Variants in PTPRD observed in about 807,000 individuals in gnomAD.
The protein encoded by PTPRD is receptor-type tyrosine-protein phosphatase delta.
A neutral mutation model predicts 214.5 loss-of-function variants in PTPRD; 34 were observed. The ratio of observed to expected loss-of-function variants is 0.16; its 90% CI spans 0.12 to 0.21. The LOEUF (loss-of-function observed/expected upper bound fraction) is 0.21. Among genes scored for constraint, PTPRD ranks in the 10% least tolerant of loss-of-function variants. The pLI is 1.00. For missense variants in PTPRD, 2,545 were observed against 2,398.7 expected (o/e 1.06, Z -1.27); for synonymous variants, 1,128 against 845.7 (o/e 1.33, Z -5.79).
chr9:10,493,953 A>G (rs1243899131), intron 2 of PTPRD, among the ~76,000 whole-genome samples: 2 of 152,086 alleles, frequency 1.3e-5, no homozygotes, highest in East Asian at 3.9e-4. Context: ...AGATGATGCC[A>G]TATCTATTTG....
At chr9:10,172,347 G>C (rs1303032075) in intron 3 of PTPRD, among the ~76,000 whole-genome samples, 1 of 151,966 alleles carries the variant, frequency 6.6e-6, no homozygotes, top group Non-Finnish European at 1.5e-5. Flanking sequence ...GATCCTGTAA[G>C]AATAATATTG....
intron 11 of PTPRD, among the ~76,000 whole-genome samples, chr9:8,826,308 T>A (rs898327724): frequency 1.8e-4 from 27 of 152,250 alleles, no homozygotes; most frequent in African/African-American, 5.8e-4. Flanking sequence ...ATTTATATAT[T>A]TTTTAAATCC....
chr9:9,559,520 G>T (rs939924837), intron 8 of PTPRD, among the ~76,000 whole-genome samples: 6 of 152,212 alleles, frequency 3.9e-5, no homozygotes, highest in African/African-American at 1.2e-4. Context: ...TGTGCCTACT[G>T]AATAGGCTGC....
intron 14 of PTPRD, among the ~76,000 whole-genome samples, chr9:8,590,891 G>A (rs986293160): frequency 6.6e-6 from 1 of 152,150 alleles, no homozygotes; most frequent in African/African-American, 2.4e-5. Context: ...CTGGAGGTCA[G>A]AAGTCCCATA....
At chr9:8,902,724 C>T (rs2098680159) in intron 11 of PTPRD, among the ~76,000 whole-genome samples, 1 of 152,012 alleles carries the variant, frequency 6.6e-6, no homozygotes, top group Non-Finnish European at 1.5e-5. Context: ...AGATCATAAG[C>T]TTGTAGGAAA....
At chr9:9,901,467 A>G (rs1470124071) in intron 5 of PTPRD, among the ~76,000 whole-genome samples, 2 of 152,084 alleles carry the variant, frequency 1.3e-5, no homozygotes, top group Non-Finnish European at 2.9e-5. Flanking sequence ...GGATGATGCT[A>G]CATTAACACA....
chr9:10,140,734 C>A (rs1400197236), intron 3 of PTPRD, among the ~76,000 whole-genome samples: 1 of 152,128 alleles, frequency 6.6e-6, no homozygotes, highest in East Asian at 1.9e-4. Context: ...AGGGAATCCT[C>A]CCTAACTCAT....
rs142951370 is a variant in PTPRD at position 8,675,618 on chromosome 9, T to A, written c.65-38774A>T. Among the ~76,000 whole-genome samples the A allele has an allele frequency of 1.0e-3, 147 of 144,968 alleles. No homozygotes were observed. In the Middle Eastern group the frequency reaches 0.018, roughly 18 times the overall value. Reference sequence around the variant, plus strand: ...TCACACTCAATACCTCAAGTTCCTATCCAAGACATGATGAAGCCCTGTGCC... The same window carrying A: ...TCACACTCAATACCTCAAGTTCCTAACCAAGACATGATGAAGCCCTGTGCC... On this transcript the variant is annotated intron_variant, in intron 12 of 45. Coordinates refer to ENST00000381196, the MANE Select transcript of PTPRD (RefSeq NM_002839.4).
intron 2 of PTPRD, among the ~76,000 whole-genome samples, chr9:10,360,698 A>G (rs1002510326): frequency 1.3e-5 from 2 of 152,216 alleles, no homozygotes; most frequent in Non-Finnish European, 2.9e-5. Flanking sequence ...TTTATTTAGC[A>G]CGGTTTTTAA....
chr9:9,308,048 A>G (rs1379095265), intron 9 of PTPRD, among the ~76,000 whole-genome samples: 1 of 152,170 alleles, frequency 6.6e-6, no homozygotes, highest in Non-Finnish European at 1.5e-5. Context: ...CTAGTTACTC[A>G]GCTTAATATT....
chr9:8,944,167 T>A (rs1411435315), intron 11 of PTPRD, among the ~76,000 whole-genome samples: 2 of 152,002 alleles, frequency 1.3e-5, no homozygotes, highest in African/African-American at 4.8e-5. Flanking sequence ...ACATCACTGA[T>A]CATCAGAGAA....
intron 11 of PTPRD, among the ~76,000 whole-genome samples, chr9:8,800,571 T>C (rs561065925): frequency 6.6e-6 from 1 of 152,326 alleles, no homozygotes; most frequent in East Asian, 1.9e-4. Context: ...ACAAATGCCA[T>C]GGCAATGTCA....
At chr9:9,803,747 A>T (rs2099056152) in intron 5 of PTPRD, 2 of 152,018 alleles carry the variant, frequency 1.3e-5, no homozygotes, top group South Asian at 4.1e-4. Context: ...TAAAACTAAT[A>T]CATGTGATTA....
intron 12 of PTPRD, among the ~76,000 whole-genome samples, chr9:8,708,611 G>A (rs761155982): frequency 4.7e-5 from 7 of 148,702 alleles, no homozygotes; most frequent in South Asian, 2.2e-4. Context: ...CTTGGGAGTC[G>A]GAAGTTGCAG....
intron 4 of PTPRD, among the ~76,000 whole-genome samples, chr9:10,031,637 T>C (rs1441134525): frequency 2.6e-5 from 2 of 77,392 alleles, no homozygotes; most frequent in African/African-American, 9.9e-5. Context: ...TATATATATA[T>C]ATATATATAT....
chr9:10,223,686 A>AATC (rs1200527432), intron 3 of PTPRD, among the ~76,000 whole-genome samples: 1 of 139,086 alleles, frequency 7.2e-6, no homozygotes, highest in Non-Finnish European at 1.6e-5. Flanking sequence ...TAATAATAAT[A>AATC]ATAATAATAA....
chr9:10,083,760 C>T (rs1157373301), intron 3 of PTPRD, among the ~76,000 whole-genome samples: 2 of 151,870 alleles, frequency 1.3e-5, no homozygotes, highest in Non-Finnish European at 2.9e-5. Flanking sequence ...GCTTTAGATT[C>T]TCATAAGGAG....
intron 9 of PTPRD, among the ~76,000 whole-genome samples, chr9:9,311,626 A>C (rs1300713167): frequency 1.3e-5 from 2 of 152,140 alleles, no homozygotes; most frequent in African/African-American, 4.8e-5. Context: ...TGATTTTCTA[A>C]ACCTACCCCA....
intron 4 of PTPRD, among the ~76,000 whole-genome samples, chr9:9,964,047 G>GGC (rs2094521448): frequency 6.6e-6 from 1 of 152,132 alleles, no homozygotes; most frequent in African/African-American, 2.4e-5. Flanking sequence ...GAGCCAGACA[G>GGC]AGGCAGAGGC....
Sources: allele counts gnomAD v4.1 joint callset (sites outside exome capture counted in the v4.1 genomes callset), GRCh38; gene constraint gnomAD v4.1.1; transcripts MANE v1.5; gene names NCBI Gene and HGNC (gene_info 2026-07-23, HGNC 2026-07-21).